The following PTPRG variants were observed in gnomAD, a reference collection of about 807,000 sequenced individuals.
PTPRG encodes the protein protein tyrosine phosphatase receptor type G, also known as receptor-type tyrosine-protein phosphatase gamma.
In PTPRG, 102 loss-of-function variants were observed where a neutral mutation model predicts 165.3. The observed-to-expected ratio is 0.62, with a 90% CI of 0.53 to 0.73. The LOEUF is 0.73. PTPRG is among the 30% of genes least tolerant of loss of function. The pLI is 0.00. For missense variants in PTPRG, 1,866 were observed against 1,861.4 expected (o/e 1.00, Z -0.05); for synonymous variants, 675 against 669.5 (o/e 1.01, Z -0.13).
chr3:62,279,440 A>G, intron 26 of PTPRG, among the ~76,000 whole-genome samples: 1 of 152,048 alleles, frequency 6.6e-6, no homozygotes, highest in East Asian at 1.9e-4. Context: ...TGTTATCATC[A>G]TAGTATTTCT....
At chr3:61,847,856 C>G (rs1414033318) in intron 2 of PTPRG, among the ~76,000 whole-genome samples, 1 of 152,230 alleles carries the variant, frequency 6.6e-6, no homozygotes, top group Non-Finnish European at 1.5e-5. Context: ...AGCCTTCTGT[C>G]CTGTGACGGA....
intron 2 of PTPRG, among the ~76,000 whole-genome samples, chr3:61,846,134 A>G (rs1038087832): frequency 2.0e-4 from 31 of 152,292 alleles, no homozygotes; most frequent in African/African-American, 7.2e-4. Flanking sequence ...TGCCTAAAGC[A>G]CTCACTACGG....
At position 62,192,393 on chromosome 3, in the gene PTPRG, CTTTTTTTTTTT is replaced by C. The variant is rs71123255; in HGVS notation, c.1218+763_1218+773del. Among the ~76,000 whole-genome samples, 117 of 52,604 alleles carry C rather than the reference CTTTTTTTTTTT, an allele frequency of 2.2e-3. 1 individual carries two copies. The highest frequency in any genetic ancestry group is 2.8e-3 in the African/African-American group (46 of 16,370). The allele number at this position is 52,604 out of a possible 152,430, so 34.5% of individuals were successfully genotyped here. On this transcript the variant is annotated intron_variant, in intron 9 of 29. Transcript: ENST00000474889. Reference sequence around the variant, plus strand: ...ATAAAGCAAACTCCACAACTACTGTCTTTTTTTTTTTTTTTTTTTTTTTTTTTTTTTTTGAG... The same window carrying C: ...ATAAAGCAAACTCCACAACTACTGTCTTTTTTTTTTTTTTTTTTTTTTGAG...
At chr3:62,145,544 ATG>A (rs1222473956) in intron 6 of PTPRG, among the ~76,000 whole-genome samples, 18 of 152,112 alleles carry the variant, frequency 1.2e-4, no homozygotes, top group African/African-American at 4.3e-4. Flanking sequence ...GATGAAGATG[ATG>A]ATGATGATGA....
chr3:62,255,119 C>T lies in PTPRG; in HGVS notation c.2468-5C>T. 6.2e-7 allele frequency: 1 copy of T among 1,608,894 alleles called. No individual in the cohort carries two copies. Among genetic ancestry groups the T allele is most frequent in the Non-Finnish European group, 8.5e-7 (1 of 1,176,440 alleles). On this transcript the variant is annotated splice_polypyrimidine_tract_variant and splice_region_variant and intron_variant, in intron 15 of 29. Coordinates refer to ENST00000474889, the MANE Select transcript of PTPRG (RefSeq NM_002841.4). The surrounding 1 kb of genome is among the most constrained non-coding windows in gnomAD (Gnocchi z 4.0). ...TAACTTTGAATATTATTTTATTCCC[C>T]CCAGATGACATGGAAGCCATTCCTG...
At chr3:61,776,942 A>G (rs2034401625) in intron 2 of PTPRG, among the ~76,000 whole-genome samples, 1 of 152,112 alleles carries the variant, frequency 6.6e-6, no homozygotes, top group African/African-American at 2.4e-5. Context: ...ACTGTAGCTA[A>G]CTATTGACTG....
chr3:62,269,017 A>T lies in PTPRG; in HGVS notation c.2875-18A>T, dbSNP rs201557617. 6.5e-7 allele frequency: 1 copy of T among 1,538,156 alleles called. No homozygotes were observed. Among genetic ancestry groups the T allele is most frequent in the Non-Finnish European group, 8.8e-7 (1 of 1,132,500 alleles). ...GCATAGATTGCAGTTATACTTTACA[A>T]CTTTTTTCTTTCTGCAGCGAAAATG... On this transcript the variant is annotated intron_variant, in intron 19 of 29. Transcript: ENST00000474889.
intron 2 of PTPRG, among the ~76,000 whole-genome samples, chr3:61,751,647 A>C (rs925730076): frequency 1.3e-5 from 2 of 152,158 alleles, no homozygotes; most frequent in Admixed American, 6.5e-5. Context: ...TATTAATAGC[A>C]CTTCCCACAT....
chr3:61,958,820 T>C (rs1243479278), intron 2 of PTPRG, among the ~76,000 whole-genome samples: 1 of 152,206 alleles, frequency 6.6e-6, no homozygotes, highest in Non-Finnish European at 1.5e-5. Context: ...ACTCTCATTG[T>C]GTCATTCAAG....
At position 61,810,987 on chromosome 3, in the gene PTPRG, G is replaced by A. The variant is rs77221455; in HGVS notation, c.190+62005G>A. ...GGAGTGCAAGGCTGTCACCAGGAGG[G>A]CAGGTTAGGGTGAATGTGGCAGCCC... On this transcript the variant is annotated intron_variant, in intron 2 of 29. Coordinates refer to ENST00000474889, the MANE Select transcript of PTPRG (RefSeq NM_002841.4). Among the ~76,000 whole-genome samples the A allele has an allele frequency of 8.0e-3, 1,218 of 152,264 alleles. 18 individuals are homozygous for A. Among genetic ancestry groups the A allele is most frequent in the African/African-American group, 0.028 (1,146 of 41,548 alleles).
In PTPRG at chr3:61,820,603, G is replaced by GTTT. The variant is rs11329820; in HGVS notation, c.190+71645_190+71647dup. Among the ~76,000 whole-genome samples, 39 of 65,730 alleles carry GTTT rather than the reference G, an allele frequency of 5.9e-4. 1 individual carries two copies. Among genetic ancestry groups the GTTT allele is most frequent in the South Asian group, 3.5e-3 (5 of 1,410 alleles). 43.1% of individuals were successfully genotyped at this position (65,730 alleles called of 152,430 possible). ...TTTAATTTCTTGTTCCTGTGTCTCT[G>GTTT]TTTTTTTTTTTTTTTTTTTTTTTTT... is the stretch of plus-strand genomic sequence containing the variant. On this transcript the variant is annotated intron_variant, in intron 2 of 29. Transcript: ENST00000474889.
chr3:61,946,071 T>C (rs1041834393), intron 2 of PTPRG, among the ~76,000 whole-genome samples: 1 of 152,256 alleles, frequency 6.6e-6, no homozygotes, highest in South Asian at 2.1e-4. Flanking sequence ...AATTGACTTA[T>C]TGATACAGTT....
At chr3:61,879,637 T>G (rs2037832306) in intron 2 of PTPRG, among the ~76,000 whole-genome samples, 1 of 152,202 alleles carries the variant, frequency 6.6e-6, no homozygotes, top group Non-Finnish European at 1.5e-5. Flanking sequence ...AGATTTTAAA[T>G]AATTTCTATA....
chr3:61,719,975 C>T (rs2031980003), intron 1 of PTPRG, among the ~76,000 whole-genome samples: 1 of 152,234 alleles, frequency 6.6e-6, no homozygotes, highest in East Asian at 1.9e-4. Flanking sequence ...GCTCACTTTA[C>T]AGTGCAGTCC....
intron 2 of PTPRG, among the ~76,000 whole-genome samples, chr3:61,923,561 C>T (rs1397165933): frequency 7.4e-6 from 1 of 135,234 alleles, no homozygotes; most frequent in Non-Finnish European, 1.6e-5. Context: ...TTCCCCTCCC[C>T]CCACCCCACA....
chr3:61,818,425 C>G (rs1256543485), intron 2 of PTPRG, among the ~76,000 whole-genome samples: 1 of 151,874 alleles, frequency 6.6e-6, no homozygotes, highest in African/African-American at 2.4e-5. Context: ...AGAAAGAATG[C>G]AAGAGCAAGT....
chr3:61,817,115 T>A lies in PTPRG; in HGVS notation c.190+68133T>A, dbSNP rs1263640103. On this transcript the variant is annotated intron_variant, in intron 2 of 29. Coordinates refer to ENST00000474889, the MANE Select transcript of PTPRG (RefSeq NM_002841.4). The stretch of plus-strand genomic sequence containing the variant: ...TTACATATTATTACATATTACATAT[T>A]ACATATGTATTACACATAATACATA... Among the ~76,000 whole-genome samples the A allele has an allele frequency of 2.3e-5, 3 of 132,420 alleles. No homozygotes were observed. In the South Asian group the frequency reaches 6.5e-4, roughly 29 times the overall value. 86.9% of individuals were successfully genotyped at this position (132,420 alleles called of 152,430 possible).
In PTPRG at chr3:61,840,955, T is replaced by C. The variant is rs540125961; in HGVS notation, c.190+91973T>C. On this transcript the variant is annotated intron_variant, in intron 2 of 29. Coordinates refer to ENST00000474889, the MANE Select transcript of PTPRG (RefSeq NM_002841.4). ...TGCCGCTATGCCTGGCTAATTTTTGTATTTTTAGTAGAGGTGGGGTTTCAC... is the reference window on the plus strand; with the variant it reads ...TGCCGCTATGCCTGGCTAATTTTTGCATTTTTAGTAGAGGTGGGGTTTCAC... Among the ~76,000 whole-genome samples the C allele has an allele frequency of 2.6e-5, 4 of 152,160 alleles. No homozygotes were observed. In the East Asian group the frequency reaches 7.7e-4, roughly 29 times the overall value.
rs540911303 is a variant in PTPRG, at chr3:61,973,516, AG to A, written c.191-16107del. ...GTATTTTTTATGCATCTTGCCAAAT[AG>A]GACTCTTCATTGTGTTTAAGAAAAT... On this transcript the variant is annotated intron_variant, in intron 2 of 29. Coordinates refer to ENST00000474889, the MANE Select transcript of PTPRG (RefSeq NM_002841.4). Among the ~76,000 whole-genome samples the A allele has an allele frequency of 2.6e-3, 396 of 152,228 alleles. 2 individuals carry two copies. The highest frequency in any genetic ancestry group is 9.1e-3 in the African/African-American group (376 of 41,538).
Sources: allele counts gnomAD v4.1 joint callset (sites outside exome capture counted in the v4.1 genomes callset), GRCh38; gene constraint gnomAD v4.1.1; non-coding constraint Gnocchi (gnomAD v3.1); transcripts MANE v1.5; gene names NCBI Gene and HGNC (gene_info 2026-07-23, HGNC 2026-07-21).